Variants in MAGI1 observed in about 807,000 individuals in gnomAD.
The protein encoded by MAGI1 is membrane-associated guanylate kinase, WW and PDZ domain-containing protein 1.
MAGI1 carries 58 observed loss-of-function variants against 139.9 expected under a neutral mutation model. The observed-to-expected ratio is 0.41, with a 90% CI of 0.34 to 0.52. The LOEUF (loss-of-function observed/expected upper bound fraction) is 0.52, where lower values mean the gene tolerates loss of function less well. MAGI1 is among the 20% of genes least tolerant of loss of function. The pLI, the probability that MAGI1 is intolerant of heterozygous loss-of-function variation, is 0.12. For synonymous variants in MAGI1, 812 were observed against 737.9 expected (o/e 1.10, Z -1.63); for missense variants, 1,874 against 1,901.6 (o/e 0.99, Z 0.27).
chr3:65,379,564 A>G lies in MAGI1; in HGVS notation c.2702-10T>C. On this transcript the variant is annotated splice_polypyrimidine_tract_variant and intron_variant, in intron 16 of 22. Transcript: ENST00000402939. ...TTCTCGGTTTTGGGCACTGTAGCAG[A>G]GAGATGCACGCGTACATCACCGTGT... 1 of 1,601,136 alleles carries G rather than the reference A, an allele frequency of 6.2e-7. No homozygotes were observed.
chr3:65,604,915 A>T (rs1226948726), intron 2 of MAGI1, among the ~76,000 whole-genome samples: 1 of 152,196 alleles, frequency 6.6e-6, no homozygotes, highest in African/African-American at 2.4e-5. Context: ...CCAAGGTGCA[A>T]AACATGACCA....
intron 2 of MAGI1, among the ~76,000 whole-genome samples, chr3:65,606,746 G>A (rs1020971714): frequency 1.4e-4 from 21 of 152,286 alleles, no homozygotes; most frequent in African/African-American, 4.8e-4. Flanking sequence ...TCGAACTCCT[G>A]ACCTTAAGTG....
chr3:65,797,996 C>T (rs1252609918), intron 1 of MAGI1, among the ~76,000 whole-genome samples: 1 of 152,072 alleles, frequency 6.6e-6, no homozygotes, highest in Non-Finnish European at 1.5e-5. Flanking sequence ...AATGCATCTT[C>T]AATTCTTCAC....
At chr3:65,963,982 A>T (rs1255821556) in intron 1 of MAGI1, among the ~76,000 whole-genome samples, 1 of 152,210 alleles carries the variant, frequency 6.6e-6, no homozygotes, top group African/African-American at 2.4e-5. Flanking sequence ...CAAGCTTCCA[A>T]TGAAGGGCAG....
intron 2 of MAGI1, among the ~76,000 whole-genome samples, chr3:65,621,502 C>A (rs995989699): frequency 6.6e-6 from 1 of 152,152 alleles, no homozygotes; most frequent in African/African-American, 2.4e-5. Context: ...AAAAGGAGAA[C>A]CCTGGGAAGG....
chr3:65,406,832 G>C (rs903319722), intron 12 of MAGI1, among the ~76,000 whole-genome samples: 2 of 152,010 alleles, frequency 1.3e-5, no homozygotes, highest in African/African-American at 4.8e-5. Context: ...GGGGGAGAGA[G>C]ACAGAGAGAG....
At chr3:65,643,897 G>T (rs1262751486) in intron 1 of MAGI1, among the ~76,000 whole-genome samples, 17 of 152,066 alleles carry the variant, frequency 1.1e-4, no homozygotes, top group Non-Finnish European at 4.4e-5. Flanking sequence ...CTCATTCTGG[G>T]GTACTGTCAA....
intron 2 of MAGI1, among the ~76,000 whole-genome samples, chr3:65,553,589 G>A (rs975139230): frequency 1.3e-5 from 2 of 152,178 alleles, no homozygotes; most frequent in Non-Finnish European, 2.9e-5. Flanking sequence ...AGTGTATATA[G>A]AGTGCACTAT....
At chr3:65,703,284 C>T (rs1467709407) in intron 1 of MAGI1, among the ~76,000 whole-genome samples, 3 of 152,142 alleles carry the variant, frequency 2.0e-5, no homozygotes, top group Admixed American at 6.5e-5. Context: ...ATCTGCTGGA[C>T]GCAGGAGTAG....
chr3:65,774,740 A>C (rs2038230981), intron 1 of MAGI1, among the ~76,000 whole-genome samples: 1 of 152,192 alleles, frequency 6.6e-6, no homozygotes, highest in South Asian at 2.1e-4. Context: ...GTGATTTTTA[A>C]GTAAGAGGAA....
intron 1 of MAGI1, among the ~76,000 whole-genome samples, chr3:65,909,227 T>C (rs1019009486): frequency 1.3e-5 from 2 of 152,052 alleles, no homozygotes; most frequent in Non-Finnish European, 2.9e-5. Context: ...TAGCCCACCT[T>C]TAAGGAGTTA....
chr3:65,518,776 AAAT>A (rs1158125465), intron 2 of MAGI1, among the ~76,000 whole-genome samples: 1 of 151,738 alleles, frequency 6.6e-6, no homozygotes, highest in Non-Finnish European at 1.5e-5. Context: ...AGCAAAAAAA[AAAT>A]AAATAAATAA....
intron 1 of MAGI1, among the ~76,000 whole-genome samples, chr3:65,912,768 G>A (rs2061723760): frequency 1.3e-5 from 2 of 152,114 alleles, no homozygotes; most frequent in Non-Finnish European, 2.9e-5. Context: ...TATCAACTCT[G>A]ACAAGACATT....
At chr3:65,766,608 G>A (rs77684035) in intron 1 of MAGI1, among the ~76,000 whole-genome samples, 1,909 of 152,250 alleles carry the variant, frequency 0.013, 41 homozygotes, top group African/African-American at 0.043. Flanking sequence ...CAGAATAAGA[G>A]GCTGGGTGCG....
At position 65,830,875 on chromosome 3, in the gene MAGI1, C is replaced by T. The variant is rs150900246; in HGVS notation, c.313+207121G>A. Among the ~76,000 whole-genome samples, 283 of 152,230 alleles carry T rather than the reference C, an allele frequency of 1.9e-3. 4 individuals carry two copies. Among genetic ancestry groups the T allele is most frequent in the African/African-American group, 6.5e-3 (272 of 41,540 alleles). Reference sequence around the variant, plus strand: ...AAATGAAAAGATTTATAGTATTAAACTGAAGCAAACAAGCATGCAAAACTA... The same window carrying T: ...AAATGAAAAGATTTATAGTATTAAATTGAAGCAAACAAGCATGCAAAACTA... On this transcript the variant is annotated intron_variant, in intron 1 of 22. Transcript: ENST00000402939.
intron 1 of MAGI1, among the ~76,000 whole-genome samples, chr3:65,784,953 C>T (rs868147355): frequency 3.3e-5 from 5 of 151,936 alleles, no homozygotes; most frequent in African/African-American, 4.8e-5. Context: ...GAGAGGGTGG[C>T]GGTGGAGGGC....
At chr3:65,431,506 G>A (rs965757505) in intron 10 of MAGI1, among the ~76,000 whole-genome samples, 1 of 151,928 alleles carries the variant, frequency 6.6e-6, no homozygotes, top group African/African-American at 2.4e-5. Context: ...TATTAAATTT[G>A]TGATATAGCC....
intron 1 of MAGI1, among the ~76,000 whole-genome samples, chr3:65,848,327 G>A (rs1008934624): frequency 5.3e-5 from 8 of 152,144 alleles, no homozygotes; most frequent in African/African-American, 1.4e-4. Context: ...AGAATGTTTC[G>A]TATCCTACGC....
intron 1 of MAGI1, among the ~76,000 whole-genome samples, chr3:65,668,488 A>C (rs141254881): frequency 1.3e-4 from 20 of 151,308 alleles, no homozygotes; most frequent in Non-Finnish European, 2.5e-4. Context: ...TATAAACTTT[A>C]TTTCTCAACG....
Sources: gnomAD v4.1 joint callset for allele counts (sites outside exome capture counted in the v4.1 genomes callset) on GRCh38, gnomAD v4.1.1 for gene constraint, MANE v1.5 for transcripts, NCBI Gene and HGNC (gene_info 2026-07-23, HGNC 2026-07-21) for gene names.